Variants in C1QL4 observed in about 807,000 individuals in gnomAD.
C1QL4 encodes the protein complement C1q-like protein 4.
C1QL4 carries 5 observed loss-of-function variants against 13.4 expected under a neutral mutation model. The observed-to-expected ratio is 0.37, with a 90% CI of 0.19 to 0.78. The LOEUF is 0.78. Among genes scored for constraint, C1QL4 ranks in the 30% least tolerant of loss-of-function variants. The pLI is 0.47. For synonymous variants in C1QL4, 168 were observed against 153.9 expected (o/e 1.09, Z -0.68); for missense variants, 367 against 361.6 (o/e 1.01, Z -0.12).
rs1245987646 is a variant in C1QL4 at position 49,336,652 on chromosome 12, C to G, written c.-175G>C. ...GGGTCTGCACTCCCCCGACGGCTGC[C>G]CCCCGCTCCCCTTACCCTGCCTCTG... On this transcript the variant is annotated 5_prime_UTR_variant, in exon 1 of 2. Coordinates refer to ENST00000334221, the MANE Select transcript of C1QL4 (RefSeq NM_001008223.2). This position sits in a 1 kb window ranked among gnomAD's most constrained non-coding sequence, Gnocchi z 7.7. The G allele has an allele frequency of 1.0e-5, 7 of 684,584 alleles. No individual in the cohort carries two copies. The highest frequency in any genetic ancestry group is 1.5e-5 in the Non-Finnish European group (7 of 455,988). 42.4% of individuals were successfully genotyped at this position (684,584 alleles called of 1,614,324 possible).
intron 1 of C1QL4, among the ~76,000 whole-genome samples, chr12:49,335,120 G>T (rs963126401): frequency 6.6e-6 from 1 of 152,266 alleles, no homozygotes; most frequent in Non-Finnish European, 1.5e-5. Flanking sequence ...GAAAACAGAG[G>T]CAACAGTGAC....
In C1QL4 at chr12:49,336,532, T is replaced by C; in HGVS notation, c.-55A>G. 2 of 1,421,334 alleles carry C rather than the reference T, an allele frequency of 1.4e-6. No individual in the cohort carries two copies. The highest frequency in any genetic ancestry group is 3.0e-5 in the South Asian group (2 of 66,120). The allele number at this position is 1,421,334 out of a possible 1,614,324, so 88.0% of individuals were successfully genotyped here. ...TCTTGCGGCGGCTCAGCCGCGACGC[T>C]GCCAGGGCCAGCAAATCTTCCTCAC... is the stretch of plus-strand genomic sequence containing the variant. On this transcript the variant is annotated 5_prime_UTR_variant, in exon 1 of 2. Coordinates refer to ENST00000334221, the MANE Select transcript of C1QL4 (RefSeq NM_001008223.2). This position sits in a 1 kb window ranked among gnomAD's most constrained non-coding sequence, Gnocchi z 7.7.
At chr12:49,333,278 G>A in intron 1 of C1QL4, 45 bp from the exon 2 acceptor site, 4 of 1,575,360 alleles carry the variant, frequency 2.5e-6, no homozygotes, top group Non-Finnish European at 3.4e-6. Context: ...TGGAGCTGGG[G>A]TGACGAGAGG....
At position 49,333,171 on chromosome 12, in the gene C1QL4, G is replaced by A; in HGVS notation, c.600C>T (p.Val200=). 2 of 1,614,184 alleles carry A rather than the reference G, an allele frequency of 1.2e-6. No homozygotes were observed. The highest frequency in any genetic ancestry group is 1.1e-5 in the South Asian group (1 of 91,084). Residue 200 remains valine (V), a synonymous_variant, in exon 2 of 2, where the codon GTC becomes GTT. Coordinates refer to ENST00000334221, the MANE Select transcript of C1QL4 (RefSeq NM_001008223.2). The part of the protein sequence containing the change: ...DQNYDYASNS[V]ILHLDVGDEV... ...CGTCGCCCACGTCCAGGTGCAGAATGACGCTGTTGCTGGCGTAGTCGTAGT... is the reference window on the plus strand; with the variant it reads ...CGTCGCCCACGTCCAGGTGCAGAATAACGCTGTTGCTGGCGTAGTCGTAGT...
Position 49,336,842 on chromosome 12 carries a change from A to AT in C1QL4, c.-366_-365insA, listed in dbSNP as rs1943637787. On this transcript the variant is annotated 5_prime_UTR_variant, in exon 1 of 2. Transcript: ENST00000334221. This position sits in a 1 kb window ranked among gnomAD's most constrained non-coding sequence, Gnocchi z 7.7. ...GCACCTGAGATCCGCGGCTTCTCGG[A>AT]CGGCTGGTTTCTTAGGGATCTGAGA... 1 of 227,504 alleles carries AT rather than the reference A, an allele frequency of 4.4e-6. No individual in the cohort carries two copies. The highest frequency in any genetic ancestry group is 8.6e-6 in the Non-Finnish European group (1 of 116,554). 14.1% of individuals were successfully genotyped at this position (227,504 alleles called of 1,614,324 possible).
At chr12:49,334,054 G>T (rs1197723133) in intron 1 of C1QL4, among the ~76,000 whole-genome samples, 1 of 151,780 alleles carries the variant, frequency 6.6e-6, no homozygotes, top group African/African-American at 2.4e-5. Flanking sequence ...TTAGCTGGGC[G>T]TGGTGGTACA....
rs376915513 is a variant in C1QL4 at position 49,334,010 on chromosome 12, A to G, written c.538-777T>C. 3.3e-5 allele frequency among the ~76,000 whole-genome samples: 5 copies of G among 151,554 alleles called. No homozygotes were observed. In the South Asian group the frequency reaches 6.3e-4, roughly 19 times the overall value. ...GGAGTTCGAGACCGGCCTGACTAAC[A>G]TGGAGAAACCCCGTCTCTACTAAAA... On this transcript the variant is annotated intron_variant, in intron 1 of 1. Coordinates refer to ENST00000334221, the MANE Select transcript of C1QL4 (RefSeq NM_001008223.2).
chr12:49,333,736 C>G (rs950280023), intron 1 of C1QL4, among the ~76,000 whole-genome samples: 7 of 151,436 alleles, frequency 4.6e-5, no homozygotes, highest in African/African-American at 1.7e-4. Context: ...CGGGGTTTCA[C>G]TGTGTTGGCC....
At chr12:49,333,388 T>C (rs758713846) in intron 1 of C1QL4, among the ~76,000 whole-genome samples, 155 bp from the exon 2 acceptor site, 1 of 152,186 alleles carries the variant, frequency 6.6e-6, no homozygotes, top group Non-Finnish European at 1.5e-5. Context: ...GCTCCAGCTC[T>C]GCCATTCACT....
At position 49,336,500 on chromosome 12, in the gene C1QL4, G is replaced by A. The variant is rs761295670; in HGVS notation, c.-23C>T. On this transcript the variant is annotated 5_prime_UTR_variant, in exon 1 of 2. Coordinates refer to ENST00000334221, the MANE Select transcript of C1QL4 (RefSeq NM_001008223.2). The surrounding 1 kb of genome is among the most constrained non-coding windows in gnomAD (Gnocchi z 7.7). ...CATGGCCACTCCGACGGCCGCGCCC[G>A]CCACCCTCTTGCGGCGGCTCAGCCG... 2 of 1,481,076 alleles carry A rather than the reference G, an allele frequency of 1.4e-6. No individual in the cohort carries two copies. Among genetic ancestry groups the A allele is most frequent in the South Asian group, 1.3e-5 (1 of 74,206 alleles). 91.7% of individuals were successfully genotyped at this position (1,481,076 alleles called of 1,614,324 possible).
rs1317693944 is a variant in C1QL4 at position 49,333,045 on chromosome 12, G to A, written c.*9C>T. The A allele has an allele frequency of 6.2e-7, 1 of 1,606,648 alleles. No homozygotes were observed. The highest frequency in any genetic ancestry group is 2.2e-5 in the East Asian group (1 of 44,536). ...GAAGGGGCGAGCGGGGGCACGGGGC[G>A]GGGCCGGCTCAGTCGGGGTAGATGA... On this transcript the variant is annotated 3_prime_UTR_variant, in exon 2 of 2. Coordinates refer to ENST00000334221, the MANE Select transcript of C1QL4 (RefSeq NM_001008223.2).
rs1192863367 is a variant in C1QL4 at position 49,337,072 on chromosome 12, T to C, written c.-595A>G. The C allele has an allele frequency of 6.6e-6, 1 of 152,416 alleles. No homozygotes were observed. Among genetic ancestry groups the C allele is most frequent in the Non-Finnish European group, 1.5e-5 (1 of 68,230 alleles). 9.4% of individuals were successfully genotyped at this position (152,416 alleles called of 1,614,324 possible). On this transcript the variant is annotated 5_prime_UTR_variant, in exon 1 of 2. Coordinates refer to ENST00000334221, the MANE Select transcript of C1QL4 (RefSeq NM_001008223.2). ...CTTGGCAAGCACCGACTCACCTTGC[T>C]ACCCCTGCCGCGGCCCCAGTCCCTG...
chr12:49,333,518 G>A (rs866001893), intron 1 of C1QL4, among the ~76,000 whole-genome samples: 1 of 151,664 alleles, frequency 6.6e-6, no homozygotes, highest in South Asian at 2.1e-4. Context: ...TACTACATGT[G>A]AAGTGTGTTC....
intron 1 of C1QL4, 65 bp downstream of exon 1, chr12:49,335,876 G>C: frequency 6.6e-7 from 1 of 1,520,596 alleles, no homozygotes; most frequent in East Asian, 2.5e-5. Context: ...TCAGGTTGTG[G>C]GATGAGTGCA....
Position 49,332,431 on chromosome 12 carries a change from A to T in C1QL4, c.*623T>A, listed in dbSNP as rs1205143698. ...CAATCCCCCAACCTCACTTTATTAG[A>T]AGAGGCAGCAGCAGCTGTAGCCCCA... On this transcript the variant is annotated 3_prime_UTR_variant, in exon 2 of 2. Coordinates refer to ENST00000334221, the MANE Select transcript of C1QL4 (RefSeq NM_001008223.2). 6.5e-6 allele frequency: 1 copy of T among 154,208 alleles called. No homozygotes were observed. Among genetic ancestry groups the T allele is most frequent in the African/African-American group, 2.4e-5 (1 of 41,464 alleles). The allele number at this position is 154,208 out of a possible 1,614,324, so 9.6% of individuals were successfully genotyped here.
At position 49,336,455 on chromosome 12, in the gene C1QL4, GC is replaced by G. The variant is rs1324064683; in HGVS notation, c.22del (p.Ala8ProfsTer125). 1 of 1,547,684 alleles carries G rather than the reference GC, an allele frequency of 6.5e-7. No homozygotes were observed. The highest frequency in any genetic ancestry group is 8.6e-7 in the Non-Finnish European group (1 of 1,160,324). ...GGAGCTGTGCACCAGCAGCGGGATG[GC>G]CACCAGCAGCAGCAGCACCATGGCC... MVLLLLV[A>X]IPLLVHSSRG... On this transcript the variant is annotated frameshift_variant, in exon 1 of 2. Transcript: ENST00000334221. LOFTEE classifies it high-confidence loss of function. The surrounding 1 kb of genome is among the most constrained non-coding windows in gnomAD (Gnocchi z 7.7).
In C1QL4 at chr12:49,336,480, C is replaced by G. The variant is rs775913989; in HGVS notation, c.-3G>C. The G allele has an allele frequency of 1.3e-6, 2 of 1,511,574 alleles. No individual in the cohort carries two copies. The highest frequency in any genetic ancestry group is 1.7e-6 in the Non-Finnish European group (2 of 1,145,492). 93.6% of individuals were successfully genotyped at this position (1,511,574 alleles called of 1,614,324 possible). ...GCCACCAGCAGCAGCAGCACCATGGCCACTCCGACGGCCGCGCCCGCCACC... is the reference window on the plus strand; with the variant it reads ...GCCACCAGCAGCAGCAGCACCATGGGCACTCCGACGGCCGCGCCCGCCACC... On this transcript the variant is annotated 5_prime_UTR_variant, in exon 1 of 2. Transcript: ENST00000334221. The surrounding 1 kb of genome is among the most constrained non-coding windows in gnomAD (Gnocchi z 7.7).
chr12:49,336,056 G>GCCTCGTAGGCGTTGCCCA lies in C1QL4; in HGVS notation c.404_421dup (p.Val135_Glu140dup). The GCCTCGTAGGCGTTGCCCA allele has an allele frequency of 6.2e-7, 1 of 1,612,326 alleles. No homozygotes were observed. The highest frequency in any genetic ancestry group is 8.5e-7 in the Non-Finnish European group (1 of 1,179,950). On this transcript the variant is annotated inframe_insertion, in exon 1 of 2. Transcript: ENST00000334221. This position sits in a 1 kb window ranked among gnomAD's most constrained non-coding sequence, Gnocchi z 7.7. Reference sequence around the variant, plus strand: ...GGGGCAAGTAAACTTGCCGCTGGCTGCCTCGTAGGCGTTGCCCACGTTGGT... The same window carrying GCCTCGTAGGCGTTGCCCA: ...GGGGCAAGTAAACTTGCCGCTGGCTGCCTCGTAGGCGTTGCCCACCTCGTAGGCGTTGCCCACGTTGGT...
At chr12:49,334,621 A>G (rs1943617532) in intron 1 of C1QL4, among the ~76,000 whole-genome samples, 1 of 152,098 alleles carries the variant, frequency 6.6e-6, no homozygotes, top group South Asian at 2.1e-4. Context: ...GGAGCTGCGC[A>G]GTCCCCTCCC....
Sources: gnomAD v4.1 joint callset for allele counts (sites outside exome capture counted in the v4.1 genomes callset) on GRCh38, gnomAD v4.1.1 for gene constraint, Gnocchi (gnomAD v3.1) non-coding constraint, MANE v1.5 for transcripts, NCBI Gene and HGNC (gene_info 2026-07-23, HGNC 2026-07-21) for gene names.